NOVA2: variants seen among roughly 807,000 people sequenced by gnomAD.
NOVA2 encodes NOVA alternative splicing regulator 2, also known as RNA-binding protein Nova-2.
NOVA2 carries 9 observed loss-of-function variants against 22.5 expected under a neutral mutation model. The ratio of observed to expected loss-of-function variants is 0.40; its 90% CI spans 0.24 to 0.70. NOVA2 has a LOEUF of 0.70. Ranked by LOEUF, NOVA2 falls within the 30% of genes least tolerant of loss-of-function variation. The pLI, the probability that NOVA2 is intolerant of heterozygous loss-of-function variation, is 0.38. For synonymous variants in NOVA2, 318 were observed against 335.2 expected, an observed-to-expected ratio of 0.95 and a Z score of 0.56; for missense variants, 383 against 682.8, an observed-to-expected ratio of 0.56 and a Z score of 4.89.
rs567574822 is a variant in NOVA2, at chr19:45,937,535, G to T, written c.*2328C>A. 5.9e-5 allele frequency: 9 copies of T among 152,352 alleles called. 1 individual carries two copies. Among genetic ancestry groups the T allele is most frequent in the African/African-American group, 2.2e-4 (9 of 41,564 alleles). The allele number at this position is 152,352 out of a possible 1,614,324, so 9.4% of individuals were successfully genotyped here. ...GTGGAGGGGAGCAATGGCCCACAGA[G>T]CCGCCCCCACCTCTAACCCCAAGAG... On this transcript the variant is annotated 3_prime_UTR_variant, in exon 4 of 4. Coordinates refer to ENST00000263257, the MANE Select transcript of NOVA2 (RefSeq NM_002516.4).
chr19:45,958,984 C>T (rs2146421086), intron 2 of NOVA2, among the ~76,000 whole-genome samples: 1 of 152,300 alleles, frequency 6.6e-6, no homozygotes, highest in East Asian at 1.9e-4. Flanking sequence ...ACTGGTGTGA[C>T]GTCTGCTTCC....
chr19:45,969,595 G>A (rs1419355737), intron 1 of NOVA2, among the ~76,000 whole-genome samples: 1 of 148,814 alleles, frequency 6.7e-6, no homozygotes. Context: ...TGTGAGATAT[G>A]TATGTATGTC....
At chr19:45,960,251 G>A (rs547554457) in intron 2 of NOVA2, among the ~76,000 whole-genome samples, 5 of 152,030 alleles carry the variant, frequency 3.3e-5, no homozygotes, top group Admixed American at 2.6e-4. Context: ...TCAGTGAGAG[G>A]GGGCTAGTAG....
chr19:45,953,885 G>T lies in NOVA2; in HGVS notation c.291C>A (p.Ser97Arg). 1 of 1,614,192 alleles carries T rather than the reference G, an allele frequency of 6.2e-7. No individual in the cohort carries two copies. The highest frequency in any genetic ancestry group is 8.5e-7 in the Non-Finnish European group (1 of 1,180,038). ...GTAEALNAVHSFIAEKVREIP... is the reference protein window; with the variant it reads ...GTAEALNAVHRFIAEKVREIP... ...TTTCTCGGACCTTCTCGGCAATAAA[G>T]CTGTGCACAGCATTCAAGGCCTCTG... Residue 97 changes from serine to arginine, a missense_variant, in exon 3 of 4, where the codon AGC (serine) becomes AGA (arginine). Physicochemically the swap from Ser to Arg is moderately radical, Grantham distance 110 (BLOSUM62 -1). This residue lies in a region of NOVA2 where 349 missense variants were observed against 578.1 expected (regional missense o/e 0.60). Transcript: ENST00000263257.
At chr19:45,973,242 G>A (rs1968257728) in intron 1 of NOVA2, 25 bp downstream of exon 1, 2 of 1,420,626 alleles carry the variant, frequency 1.4e-6, no homozygotes, top group Middle Eastern at 2.6e-4. Flanking sequence ...CCGCTCCCCC[G>A]CCCCGAGCCG....
chr19:45,950,801 A>G (rs1967913606), intron 3 of NOVA2, among the ~76,000 whole-genome samples: 1 of 152,332 alleles, frequency 6.6e-6, no homozygotes, highest in African/African-American at 2.4e-5. Context: ...CAAAAGCAGC[A>G]TCAACAGCTA....
chr19:45,971,083 G>T (rs998605594), intron 1 of NOVA2, among the ~76,000 whole-genome samples: 3 of 149,428 alleles, frequency 2.0e-5, no homozygotes, highest in Non-Finnish European at 3.0e-5. Context: ...TGGGCAAGCG[G>T]TTTCATTTTG....
intron 1 of NOVA2, among the ~76,000 whole-genome samples, chr19:45,963,233 G>A (rs1380174982): frequency 6.6e-6 from 1 of 151,886 alleles, no homozygotes; most frequent in Admixed American, 6.6e-5. Flanking sequence ...ACAAAAATTC[G>A]CCGGGTGTGG....
chr19:45,972,424 C>G (rs1044633228), intron 1 of NOVA2, among the ~76,000 whole-genome samples: 1 of 152,074 alleles, frequency 6.6e-6, no homozygotes, highest in South Asian at 2.1e-4. Flanking sequence ...CTGGCTGACA[C>G]CCAGAGCCAG....
chr19:45,953,645 A>C (rs1191531457), intron 3 of NOVA2, 135 bp downstream of exon 3: 2 of 1,053,994 alleles, frequency 1.9e-6, no homozygotes, highest in South Asian at 2.9e-5. Context: ...ACTAACCACT[A>C]CCATGTGGTC....
chr19:45,940,411 C>A lies in NOVA2; in HGVS notation c.931G>T (p.Ala311Ser), dbSNP rs1228380537. 2 of 1,469,334 alleles carry A rather than the reference C, an allele frequency of 1.4e-6. No homozygotes were observed. The highest frequency in any genetic ancestry group is 1.8e-6 in the Non-Finnish European group (2 of 1,106,656). 91.0% of individuals were successfully genotyped at this position (1,469,334 alleles called of 1,614,324 possible). The change falls in exon 4 of 4, where the codon GCC (alanine) becomes TCC (serine). Residue 311 changes from alanine (A) to serine (S), a missense_variant. Transcript: ENST00000263257. The stretch of plus-strand genomic sequence containing the variant: ...GCTGGGTTGGCCCCGGCGGCCACGG[C>A]GGCCAGGACGCCGGAAGCTGCGGCC... The part of the protein sequence containing the change: ...NSAAASGVLA[A>S]VAAGANPAAA...
In NOVA2 at chr19:45,958,374, AGAGTGTGTGTGTGT is replaced by A. The variant is rs1385466188; in HGVS notation, c.229+2622_229+2635del. ...AGTGCTGTGTGTGTGTGTGTGTGTGAGAGTGTGTGTGTGTGGGAGCATGTGTGTGAGTGGGGTGT... is the reference window on the plus strand; with the variant it reads ...AGTGCTGTGTGTGTGTGTGTGTGTGAGGGAGCATGTGTGTGAGTGGGGTGT... On this transcript the variant is annotated intron_variant, in intron 2 of 3. Coordinates refer to ENST00000263257, the MANE Select transcript of NOVA2 (RefSeq NM_002516.4). Among the ~76,000 whole-genome samples the A allele has an allele frequency of 2.9e-5, 4 of 140,236 alleles. No homozygotes were observed. In the East Asian group the frequency reaches 8.4e-4, roughly 29 times the overall value. The allele number at this position is 140,236 out of a possible 152,430, so 92.0% of individuals were successfully genotyped here.
In NOVA2 at chr19:45,935,843, G is replaced by A. The variant is rs1417147345; in HGVS notation, c.*4020C>T. On this transcript the variant is annotated 3_prime_UTR_variant, in exon 4 of 4. Coordinates refer to ENST00000263257, the MANE Select transcript of NOVA2 (RefSeq NM_002516.4). ...TTGAAGGATTTGGTGGTCCAGAGGG[G>A]AGAGGAAATACACCTCGGAGATAAG... 2.0e-5 allele frequency: 3 copies of A among 152,216 alleles called. No homozygotes were observed. The highest frequency in any genetic ancestry group is 7.2e-5 in the African/African-American group (3 of 41,426). 9.4% of individuals were successfully genotyped at this position (152,216 alleles called of 1,614,324 possible). A position where few individuals can be genotyped will look rare whatever the true frequency, so the allele number is the denominator to read the frequency against.
At chr19:45,944,084 G>A (rs891008120) in intron 3 of NOVA2, among the ~76,000 whole-genome samples, 1 of 152,148 alleles carries the variant, frequency 6.6e-6, no homozygotes, top group Non-Finnish European at 1.5e-5. Context: ...CTATGCTTAG[G>A]TGTGAGCAGC....
chr19:45,955,028 A>G (rs1967984656), intron 2 of NOVA2, among the ~76,000 whole-genome samples: 1 of 152,078 alleles, frequency 6.6e-6, no homozygotes. Flanking sequence ...TGTGGGACAG[A>G]CTTTGGTGTC....
chr19:45,961,284 C>G (rs940675149), intron 1 of NOVA2, 131 bp from the exon 2 acceptor site: 2 of 614,380 alleles, frequency 3.3e-6, no homozygotes, highest in African/African-American at 3.7e-5. Flanking sequence ...TCTTCATTCA[C>G]TCATTCATTC....
chr19:45,940,730 G>A lies in NOVA2; in HGVS notation c.612C>T (p.Pro204=). 1.9e-6 allele frequency: 3 copies of A among 1,609,916 alleles called. No individual in the cohort carries two copies. The highest frequency in any genetic ancestry group is 2.5e-6 in the Non-Finnish European group (3 of 1,179,518). The stretch of plus-strand genomic sequence containing the variant: ...TGATGTTGAGGCAGCTGCTGCTCTG[G>A]GGGTCTTCTTGTACCTTCTGCACGA... ...SAIVQKVQED[P]QSSSCLNISY... is the part of the protein sequence containing the mutation. The change falls in exon 4 of 4, where the codon CCC becomes CCT. Residue 204 remains proline, a synonymous_variant. Coordinates refer to ENST00000263257, the MANE Select transcript of NOVA2 (RefSeq NM_002516.4).
chr19:45,971,011 C>T (rs1298899423), intron 1 of NOVA2, among the ~76,000 whole-genome samples: 1 of 152,088 alleles, frequency 6.6e-6, no homozygotes, highest in Non-Finnish European at 1.5e-5. Context: ...CCAGGAGCTC[C>T]GGAACCAGGC....
At chr19:45,964,346 ATTTGTGTGTGTGTG>A (rs1358827949) in intron 1 of NOVA2, among the ~76,000 whole-genome samples, 19 of 98,102 alleles carry the variant, frequency 1.9e-4, no homozygotes, top group African/African-American at 7.0e-4. Context: ...TGCCCGGCTA[ATTTGTGTGTGTGTG>A]TGTGTGTGTG....
Sources: gnomAD v4.1 joint callset for allele counts (sites outside exome capture counted in the v4.1 genomes callset) on GRCh38, gnomAD v4.1.1 for gene constraint, gnomAD v4.1.1 regional missense constraint, MANE v1.5 for transcripts, NCBI Gene and HGNC (gene_info 2026-07-23, HGNC 2026-07-21) for gene names.